Variants in PRSS23 observed in about 807,000 individuals in gnomAD.
PRSS23 encodes serine protease 23.
A neutral mutation model predicts 34.7 loss-of-function variants in PRSS23; 25 were observed. The ratio of observed to expected loss-of-function variants is 0.72; its 90% CI spans 0.53 to 1.01. The LOEUF is 1.01. PRSS23 is among the 50% of genes least tolerant of loss of function. The pLI is 0.00. For missense variants in PRSS23, 445 were observed against 475.6 expected (o/e 0.94, Z 0.60); for synonymous variants, 176 against 186.6 (o/e 0.94, Z 0.46).
At chr11:86,796,057 G>A (rs74364369), upstream of PRSS23, among the ~76,000 whole-genome samples, 8 of 152,256 alleles carry the variant, frequency 5.3e-5, 1 homozygote, top group East Asian at 1.5e-3. Flanking sequence ...CAGGTCATTC[G>A]TGAGTTATTA....
chr11:86,876,570 C>A (rs1590907295), intron 2 of PRSS23, among the ~76,000 whole-genome samples: 1 of 152,076 alleles, frequency 6.6e-6, no homozygotes, highest in South Asian at 2.1e-4. Flanking sequence ...GGCCCATGGA[C>A]CACCAGAATT....
At chr11:86,843,517 A>G (rs890495433) in intron 2 of PRSS23, among the ~76,000 whole-genome samples, 1 of 152,222 alleles carries the variant, frequency 6.6e-6, no homozygotes, top group Non-Finnish European at 1.5e-5. Context: ...TTTGCAATCT[A>G]TCCATCTGAC....
intron 2 of PRSS23, among the ~76,000 whole-genome samples, chr11:86,885,898 A>G (rs1336018840): frequency 6.6e-6 from 1 of 152,218 alleles, no homozygotes; most frequent in Non-Finnish European, 1.5e-5. Flanking sequence ...AAATATGTCC[A>G]TCAACTTCTC....
At chr11:86,820,132 A>T (rs575773403) in intron 1 of PRSS23, among the ~76,000 whole-genome samples, 3 of 152,210 alleles carry the variant, frequency 2.0e-5, no homozygotes, top group Non-Finnish European at 4.4e-5. Context: ...TAAAATAAAT[A>T]CTACAGTATT....
downstream of PRSS23, among the ~76,000 whole-genome samples, chr11:86,813,376 A>G (rs1948193729): frequency 6.6e-6 from 1 of 152,200 alleles, no homozygotes; most frequent in African/African-American, 2.4e-5. Flanking sequence ...GGCAGTATCA[A>G]ATTTGTTCTG....
At chr11:86,824,940 A>G (rs1158371964) in intron 2 of PRSS23, among the ~76,000 whole-genome samples, 1 of 152,158 alleles carries the variant, frequency 6.6e-6, no homozygotes, top group Non-Finnish European at 1.5e-5. Flanking sequence ...CAATAAACAT[A>G]CCTGTGTATG....
At position 86,810,364 on chromosome 11, in the gene PRSS23, C is replaced by T. The variant is rs1948164074; in HGVS notation, c.*1569C>T. The stretch of plus-strand genomic sequence containing the variant: ...TCTGGGGGATTTTCTGCTTGTCTTT[C>T]TTGAGCTTTTTGGAAGGATAATTCT... On this transcript the variant is annotated 3_prime_UTR_variant, in exon 2 of 2. Coordinates refer to ENST00000280258, the MANE Select transcript of PRSS23 (RefSeq NM_007173.6). The T allele has an allele frequency of 6.0e-6, 1 of 166,922 alleles. No homozygotes were observed. The highest frequency in any genetic ancestry group is 2.4e-5 in the African/African-American group (1 of 41,442). The allele number at this position is 166,922 out of a possible 1,614,324, so 10.3% of individuals were successfully genotyped here.
intron 2 of PRSS23, among the ~76,000 whole-genome samples, chr11:86,902,216 GAA>G: frequency 6.6e-6 from 1 of 152,150 alleles, no homozygotes; most frequent in Non-Finnish European, 1.5e-5. Flanking sequence ...CCTGTGCTCA[GAA>G]ACTATAGGGA....
intron 2 of PRSS23, among the ~76,000 whole-genome samples, chr11:86,893,691 A>G (rs1195977635): frequency 1.3e-5 from 2 of 152,220 alleles, no homozygotes; most frequent in Non-Finnish European, 2.9e-5. Context: ...TTTTGTGCCC[A>G]AAATAGCAGT....
intron 2 of PRSS23, among the ~76,000 whole-genome samples, chr11:86,850,517 A>G (rs1948521175): frequency 6.6e-6 from 1 of 152,224 alleles, no homozygotes; most frequent in South Asian, 2.1e-4. Context: ...TCAGTCCTGG[A>G]TGAATAATAT....
intron 2 of PRSS23, among the ~76,000 whole-genome samples, chr11:86,917,427 C>G (rs1398114386): frequency 1.3e-5 from 2 of 152,188 alleles, no homozygotes; most frequent in African/African-American, 4.8e-5. Context: ...GTATGGTAGA[C>G]ACATGAATGG....
At chr11:86,944,307 A>G (rs780710885) in intron 2 of PRSS23, among the ~76,000 whole-genome samples, 14 of 151,856 alleles carry the variant, frequency 9.2e-5, no homozygotes, top group Non-Finnish European at 1.9e-4. Context: ...ACCCTAATCT[A>G]GTAAGTATGA....
At chr11:86,875,563 A>C (rs192371942) in intron 2 of PRSS23, among the ~76,000 whole-genome samples, 2 of 152,328 alleles carry the variant, frequency 1.3e-5, no homozygotes, top group East Asian at 3.9e-4. Flanking sequence ...TCCTTTCCTA[A>C]CATCTACTCA....
rs747536133 is a variant in PRSS23 at position 86,808,236 on chromosome 11, A to G, written c.593A>G (p.Lys198Arg). Reference protein sequence around the residue: ...QKLRVGFLKPKFKDGGRGAND... With the variant: ...QKLRVGFLKPRFKDGGRGAND... ...CTTCGAGTGGGCTTCCTAAAGCCCA[A>G]GTTTAAAGATGGTGGTCGAGGGGCC... Residue 198 changes from lysine to arginine, a missense_variant, in exon 2 of 2, where the codon AAG becomes AGG. Transcript: ENST00000280258. 4.3e-6 allele frequency: 7 copies of G among 1,614,048 alleles called. No individual in the cohort carries two copies. The Admixed American group carries it at 8.3e-5, about 19-fold the overall frequency.
chr11:86,832,154 G>A (rs1002662349), intron 2 of PRSS23, among the ~76,000 whole-genome samples: 5 of 152,006 alleles, frequency 3.3e-5, no homozygotes, highest in African/African-American at 1.2e-4. Context: ...TTCACCATGT[G>A]CGTACACCCC....
rs1948375918 is a variant in PRSS23, at chr11:86,833,340, C to T, written c.206+9747C>T. 3 of 998,736 alleles carry T rather than the reference C, an allele frequency of 3.0e-6. No individual in the cohort carries two copies. In the South Asian group the frequency reaches 3.8e-5, roughly 13 times the overall value. 61.9% of individuals were successfully genotyped at this position (998,736 alleles called of 1,614,324 possible). On this transcript the variant is annotated intron_variant, in intron 2 of 2. Coordinates refer to the PRSS23 transcript ENST00000533902. ...CGGCCAGGATAATGAGCAGATTCTC[C>T]AGCACCATGACTAGGTACATGAACA...
intron 2 of PRSS23, among the ~76,000 whole-genome samples, chr11:86,891,485 A>C (rs1419707355): frequency 6.6e-6 from 1 of 152,188 alleles, no homozygotes; most frequent in African/African-American, 2.4e-5. Context: ...GCTGAGGAGC[A>C]CAGCTATCCT....
At chr11:86,939,436 A>G (rs1949192071) in intron 2 of PRSS23, among the ~76,000 whole-genome samples, 3 of 63,370 alleles carry the variant, frequency 4.7e-5, no homozygotes, top group Admixed American at 1.8e-4. Flanking sequence ...ATTTTTTAAC[A>G]TGAGTAAAAA....
intron 2 of PRSS23, chr11:86,832,455 C>T (rs953448470): frequency 2.6e-5 from 5 of 193,316 alleles, no homozygotes; most frequent in African/African-American, 4.7e-5. Flanking sequence ...TGATATTATT[C>T]GTATTTGACC....
Sources: gnomAD v4.1 joint callset for allele counts (sites outside exome capture counted in the v4.1 genomes callset) on GRCh38, gnomAD v4.1.1 for gene constraint, MANE v1.5 for transcripts, NCBI Gene and HGNC (gene_info 2026-07-23, HGNC 2026-07-21) for gene names.